Variants in CNTNAP2 observed in about 807,000 individuals in gnomAD.
The protein encoded by CNTNAP2 is contactin associated protein 2, also known as contactin-associated protein-like 2.
A neutral mutation model predicts 155.2 loss-of-function variants in CNTNAP2; 98 were observed. The observed-to-expected ratio is 0.63, with a 90% CI of 0.54 to 0.75. CNTNAP2 has a LOEUF of 0.75. CNTNAP2 is among the 30% of genes least tolerant of loss of function. CNTNAP2 has a pLI of 0.00. For synonymous variants in CNTNAP2, 651 were observed against 631.2 expected (o/e 1.03, Z -0.47); for missense variants, 1,727 against 1,688.1 (o/e 1.02, Z -0.40).
intron 13 of CNTNAP2, among the ~76,000 whole-genome samples, chr7:147,649,695 C>T (rs559318724): frequency 2.0e-5 from 3 of 151,924 alleles, no homozygotes; most frequent in Non-Finnish European, 4.4e-5. Flanking sequence ...TTAAAATTTG[C>T]ATTTTAGTTT....
At chr7:147,969,201 CA>C (rs1801285907) in intron 14 of CNTNAP2, among the ~76,000 whole-genome samples, 2 of 152,156 alleles carry the variant, frequency 1.3e-5, no homozygotes, top group Non-Finnish European at 2.9e-5. Context: ...AGGCATGTGC[CA>C]CCATGCCCAG....
intron 13 of CNTNAP2, among the ~76,000 whole-genome samples, chr7:147,811,104 T>C (rs1354180896): frequency 6.6e-6 from 1 of 152,192 alleles, no homozygotes; most frequent in Non-Finnish European, 1.5e-5. Flanking sequence ...TGTTCATTTG[T>C]TTGTTTTTAA....
chr7:147,184,157 C>T (rs950723569), intron 8 of CNTNAP2, among the ~76,000 whole-genome samples: 1 of 152,142 alleles, frequency 6.6e-6, no homozygotes, highest in South Asian at 2.1e-4. Flanking sequence ...TTCATAGCTT[C>T]TACATTCTTC....
intron 1 of CNTNAP2, among the ~76,000 whole-genome samples, chr7:146,368,297 A>G (rs1795183600): frequency 6.6e-6 from 1 of 152,204 alleles, no homozygotes; most frequent in Admixed American, 6.5e-5. Flanking sequence ...TTTCACACAC[A>G]CAGACATAAA....
chr7:146,317,060 G>A (rs561595342), intron 1 of CNTNAP2, among the ~76,000 whole-genome samples: 1 of 152,250 alleles, frequency 6.6e-6, no homozygotes, highest in East Asian at 1.9e-4. Context: ...GTACGTCATA[G>A]AGTTATGAAG....
intron 3 of CNTNAP2, among the ~76,000 whole-genome samples, chr7:146,934,636 A>G (rs1480429630): frequency 1.3e-5 from 2 of 152,202 alleles, no homozygotes; most frequent in Non-Finnish European, 2.9e-5. Flanking sequence ...ATTTTCAACA[A>G]TGGACATGTA....
chr7:147,921,721 G>T (rs1028802882), intron 14 of CNTNAP2, among the ~76,000 whole-genome samples: 22 of 152,140 alleles, frequency 1.4e-4, no homozygotes, highest in African/African-American at 4.8e-4. Context: ...ACCTTGTGAA[G>T]ATCCCCATGT....
chr7:146,768,094 T>A (rs932055590), intron 1 of CNTNAP2, among the ~76,000 whole-genome samples: 7 of 152,080 alleles, frequency 4.6e-5, no homozygotes, highest in African/African-American at 1.7e-4. Flanking sequence ...AAATGTGATA[T>A]GTGAAAATTA....
chr7:147,853,827 C>G (rs1454128404), intron 13 of CNTNAP2, among the ~76,000 whole-genome samples: 2 of 152,044 alleles, frequency 1.3e-5, no homozygotes, highest in Non-Finnish European at 2.9e-5. Flanking sequence ...ATATAAAGTG[C>G]TTTGTTAAGA....
At chr7:148,296,408 A>C (rs1316382149) in intron 21 of CNTNAP2, among the ~76,000 whole-genome samples, 1 of 151,764 alleles carries the variant, frequency 6.6e-6, no homozygotes, top group East Asian at 1.9e-4. Context: ...TTATCCAGGC[A>C]TAGTGGCATA....
At chr7:147,175,352 G>A (rs1802319141) in intron 8 of CNTNAP2, among the ~76,000 whole-genome samples, 1 of 151,528 alleles carries the variant, frequency 6.6e-6, no homozygotes, top group South Asian at 2.1e-4. Context: ...GACTACTCTG[G>A]CCTGAAGTAC....
At chr7:147,371,639 C>A (rs976236581) in intron 9 of CNTNAP2, among the ~76,000 whole-genome samples, 3 of 152,032 alleles carry the variant, frequency 2.0e-5, no homozygotes, top group Non-Finnish European at 2.9e-5. Context: ...CTCCTAGATT[C>A]ACAGGGCAGT....
chr7:147,494,577 T>C (rs1798666532), intron 11 of CNTNAP2, among the ~76,000 whole-genome samples: 1 of 151,898 alleles, frequency 6.6e-6, no homozygotes, highest in Non-Finnish European at 1.5e-5. Context: ...ATGCCAGTGC[T>C]AGGTCTTGAG....
intron 9 of CNTNAP2, among the ~76,000 whole-genome samples, chr7:147,355,833 C>T (rs1309680841): frequency 1.3e-5 from 2 of 152,148 alleles, no homozygotes; most frequent in Non-Finnish European, 2.9e-5. Flanking sequence ...CACACGAATT[C>T]ACAACCGAAT....
intron 22 of CNTNAP2, among the ~76,000 whole-genome samples, chr7:148,392,114 A>T (rs529733962): frequency 2.3e-4 from 35 of 151,788 alleles, no homozygotes; most frequent in African/African-American, 8.0e-4. Flanking sequence ...TCGCTCTGTC[A>T]CTAGGCTGGA....
intron 8 of CNTNAP2, among the ~76,000 whole-genome samples, chr7:147,182,729 T>G (rs539617571): frequency 1.3e-5 from 2 of 152,230 alleles, no homozygotes; most frequent in South Asian, 4.1e-4. Context: ...TAAACTTTAT[T>G]TTTTTATTAT....
intron 3 of CNTNAP2, among the ~76,000 whole-genome samples, chr7:146,990,918 C>T (rs1798197036): frequency 6.6e-6 from 1 of 151,964 alleles, no homozygotes; most frequent in Non-Finnish European, 1.5e-5. Flanking sequence ...GAGTGTCGTG[C>T]CATAGTCAGA....
intron 12 of CNTNAP2, among the ~76,000 whole-genome samples, chr7:147,589,393 G>T (rs1286301293): frequency 6.6e-6 from 1 of 151,882 alleles, no homozygotes; most frequent in Non-Finnish European, 1.5e-5. Flanking sequence ...TATAATAAAG[G>T]CTTATGGACC....
chr7:147,044,218 A>C (rs1351373727), intron 4 of CNTNAP2, among the ~76,000 whole-genome samples, 164 bp downstream of exon 4: 1 of 152,126 alleles, frequency 6.6e-6, no homozygotes, highest in Non-Finnish European at 1.5e-5. Flanking sequence ...ATATAATAAA[A>C]GGTTGTGTCT....
Sources: gnomAD v4.1 joint callset for allele counts (sites outside exome capture counted in the v4.1 genomes callset) on GRCh38, gnomAD v4.1.1 for gene constraint, MANE v1.5 for transcripts, NCBI Gene and HGNC (gene_info 2026-07-23, HGNC 2026-07-21) for gene names.